Variants in RBFOX1 observed in about 807,000 individuals in gnomAD.
The protein encoded by RBFOX1 is RNA binding fox-1 homolog 1, also known as RNA binding protein fox-1 homolog 1.
In RBFOX1, 8 loss-of-function variants were observed where a neutral mutation model predicts 57.7. The observed-to-expected ratio is 0.14, with a 90% CI of 0.08 to 0.25. The LOEUF is 0.25. RBFOX1 is among the 10% of genes least tolerant of loss of function. RBFOX1 has a pLI of 1.00. For missense variants in RBFOX1, 611 were observed against 548.5 expected, an observed-to-expected ratio of 1.11 and a Z score of -1.14; for synonymous variants, 326 against 222.4, an observed-to-expected ratio of 1.47 and a Z score of -4.15.
At position 6,019,801 on chromosome 16, in the gene RBFOX1, G is replaced by A; in HGVS notation, c.-318G>A. 6.7e-7 allele frequency: 1 copy of A among 1,484,098 alleles called. No homozygotes were observed. Among genetic ancestry groups the A allele is most frequent in the Non-Finnish European group, 9.0e-7 (1 of 1,115,536 alleles). 91.9% of individuals were successfully genotyped at this position (1,484,098 alleles called of 1,614,324 possible). ...AGGGTCCCCGCCTGTCCGGACCCTC[G>A]CCGCGCCCAGGCAGGCGCGCCAGGG... is the stretch of plus-strand genomic sequence containing the variant. On this transcript the variant is annotated 5_prime_UTR_variant, in exon 1 of 16. Coordinates refer to ENST00000550418, the MANE Select transcript of RBFOX1 (RefSeq NM_018723.4). This position sits in a 1 kb window ranked among gnomAD's most constrained non-coding sequence, Gnocchi z 4.2.
At chr16:5,471,870 G>T (rs976158099) in intron 2 of RBFOX1, among the ~76,000 whole-genome samples, 12 of 152,184 alleles carry the variant, frequency 7.9e-5, no homozygotes, top group African/African-American at 2.9e-4. Flanking sequence ...TATCCTTGAA[G>T]GGGGTGTGTT....
chr16:6,249,211 T>C (rs1385122365), intron 1 of RBFOX1, among the ~76,000 whole-genome samples: 2 of 151,534 alleles, frequency 1.3e-5, no homozygotes, highest in African/African-American at 4.9e-5. Context: ...AACACACCAA[T>C]GGAAGGAAAC....
intron 2 of RBFOX1, among the ~76,000 whole-genome samples, chr16:6,410,421 C>T (rs1245424026): frequency 6.7e-6 from 1 of 150,310 alleles, no homozygotes; most frequent in Non-Finnish European, 1.5e-5. Flanking sequence ...AGGCCATTCT[C>T]CTGCCTCAGC....
chr16:6,371,600 C>G (rs979048150), intron 2 of RBFOX1, among the ~76,000 whole-genome samples: 1 of 152,040 alleles, frequency 6.6e-6, no homozygotes, highest in Non-Finnish European at 1.5e-5. Flanking sequence ...CTTGACTTTT[C>G]TTGCCCCAGT....
rs531129896 is a variant in RBFOX1, at chr16:7,451,744, T to G, written c.28-66403T>G. Among the ~76,000 whole-genome samples the G allele has an allele frequency of 5.3e-4, 76 of 142,302 alleles. 4 individuals are homozygous for G. Among genetic ancestry groups the G allele is most frequent in the Middle Eastern group, 3.9e-3 (1 of 258 alleles). 93.4% of individuals were successfully genotyped at this position (142,302 alleles called of 152,430 possible). ...AGCACTTTTCTGAAGGAGAAAACAT[T>G]TATTTCTCATTTTGTAGAGGCAAGA... On this transcript the variant is annotated intron_variant, in intron 4 of 15. Transcript: ENST00000550418.
intron 2 of RBFOX1, among the ~76,000 whole-genome samples, chr16:6,383,597 A>G (rs184293705): frequency 1.3e-5 from 2 of 151,720 alleles, no homozygotes; most frequent in Non-Finnish European, 2.9e-5. Flanking sequence ...ACATGGTGAA[A>G]CCCCGTGTCT....
At chr16:5,344,680 T>C (rs1223815008) in intron 1 of RBFOX1, among the ~76,000 whole-genome samples, 2 of 152,218 alleles carry the variant, frequency 1.3e-5, no homozygotes, top group African/African-American at 4.8e-5. Flanking sequence ...AACTTCAACA[T>C]GGATTTTATC....
intron 2 of RBFOX1, among the ~76,000 whole-genome samples, chr16:5,586,716 C>G (rs1286819009): frequency 6.6e-6 from 1 of 152,292 alleles, no homozygotes; most frequent in East Asian, 1.9e-4. Flanking sequence ...ACAGGCTGGT[C>G]TTGAACTCGT....
At chr16:7,098,585 A>G (rs2062094692) in intron 4 of RBFOX1, among the ~76,000 whole-genome samples, 1 of 152,226 alleles carries the variant, frequency 6.6e-6, no homozygotes. Flanking sequence ...ACATTCGGTT[A>G]TAATGTATTG....
At chr16:6,656,260 C>T (rs1435045331) in intron 3 of RBFOX1, among the ~76,000 whole-genome samples, 2 of 152,154 alleles carry the variant, frequency 1.3e-5, no homozygotes, top group Non-Finnish European at 2.9e-5. Flanking sequence ...ATTGGCATTT[C>T]TCTTGGACTT....
chr16:7,349,359 G>T (rs989269191), intron 4 of RBFOX1, among the ~76,000 whole-genome samples: 1 of 152,040 alleles, frequency 6.6e-6, no homozygotes, highest in African/African-American at 2.4e-5. Context: ...AAGTGACTTC[G>T]CTTTCTCTCT....
intron 3 of RBFOX1, among the ~76,000 whole-genome samples, chr16:7,033,205 G>A (rs895155964): frequency 1.3e-5 from 2 of 152,186 alleles, no homozygotes; most frequent in East Asian, 1.9e-4. Flanking sequence ...GAGACCACCC[G>A]TGCCTTACCT....
At chr16:6,051,585 T>C (rs1014306569) in intron 1 of RBFOX1, among the ~76,000 whole-genome samples, 1 of 152,046 alleles carries the variant, frequency 6.6e-6, no homozygotes, top group Non-Finnish European at 1.5e-5. Context: ...TCTCCCAAAG[T>C]GCTGAGTCTC....
intron 1 of RBFOX1, among the ~76,000 whole-genome samples, chr16:6,129,389 A>G (rs2096613174): frequency 6.6e-6 from 1 of 152,218 alleles, no homozygotes; most frequent in African/African-American, 2.4e-5. Flanking sequence ...TAAGCAAGGC[A>G]CTTGAACAGT....
intron 4 of RBFOX1, among the ~76,000 whole-genome samples, chr16:6,003,555 C>A (rs2060639461): frequency 6.6e-6 from 1 of 152,038 alleles, no homozygotes; most frequent in Non-Finnish European, 1.5e-5. Flanking sequence ...TGCTCCACCC[C>A]TGCGGTACCT....
In RBFOX1 at chr16:7,688,619, G is replaced by A. The variant is rs17767160; in HGVS notation, c.995+11781G>A. On this transcript the variant is annotated intron_variant, in intron 14 of 15. Transcript: ENST00000550418. ...GCCAAGAGATGAGATTTAACCTAAG[G>A]AACAAAAGTGGGCTATGAGGGTGAT... 6.5e-3 allele frequency among the ~76,000 whole-genome samples: 983 copies of A among 151,996 alleles called. 6 individuals carry two copies. Among genetic ancestry groups the A allele is most frequent in the South Asian group, 0.029 (140 of 4,798 alleles).
intron 3 of RBFOX1, among the ~76,000 whole-genome samples, chr16:6,672,717 G>C (rs1055048271): frequency 2.6e-5 from 4 of 152,066 alleles, no homozygotes; most frequent in Non-Finnish European, 5.9e-5. Flanking sequence ...CTTGGGTTTG[G>C]CTTGCCTTGT....
intron 2 of RBFOX1, among the ~76,000 whole-genome samples, chr16:6,458,008 AC>A (rs2094819073): frequency 1.7e-5 from 1 of 59,706 alleles, no homozygotes. Context: ...TGTTCTCAAA[AC>A]TGAAAAAAAA....
chr16:7,682,545 G>GT (rs113114330), intron 14 of RBFOX1, among the ~76,000 whole-genome samples: 2,702 of 136,352 alleles, frequency 0.02, 60 homozygotes, highest in African/African-American at 0.058. Flanking sequence ...CTTGGTTTTA[G>GT]TTTTTTTTTT....
Sources: allele counts gnomAD v4.1 joint callset (sites outside exome capture counted in the v4.1 genomes callset), GRCh38; gene constraint gnomAD v4.1.1; non-coding constraint Gnocchi (gnomAD v3.1); transcripts MANE v1.5; gene names NCBI Gene and HGNC (gene_info 2026-07-23, HGNC 2026-07-21).